HMGCLL1: variants seen among roughly 807,000 people sequenced by gnomAD.
The protein encoded by HMGCLL1 is 3-hydroxymethyl-3-methylglutaryl-CoA lyase, cytoplasmic.
Under a neutral mutation model 39.1 loss-of-function variants are expected in HMGCLL1, and 36 were observed. The observed-to-expected ratio is 0.92, with a 90% CI of 0.71 to 1.22. The LOEUF (loss-of-function observed/expected upper bound fraction) is 1.22. Ranked by LOEUF, HMGCLL1 falls within the 50% of genes most tolerant of loss-of-function variation. The probability of loss-of-function intolerance (pLI) is 0.00; values close to 1 mark genes in which losing one functional copy is unlikely to be tolerated. For missense variants in HMGCLL1, 451 were observed against 416.5 expected (o/e 1.08, Z -0.72); for synonymous variants, 149 against 144.0 (o/e 1.03, Z -0.25).
chr6:55,567,869 C>T (rs191801097), intron 1 of HMGCLL1, among the ~76,000 whole-genome samples: 61 of 152,214 alleles, frequency 4.0e-4, no homozygotes, highest in Middle Eastern at 6.8e-3. Context: ...ACCTCAGTTC[C>T]TTGTATTAAA....
the HMGCLL1 span, among the ~76,000 whole-genome samples, chr6:55,631,615 G>C: frequency 1.3e-5 from 2 of 152,010 alleles, no homozygotes; most frequent in African/African-American, 4.8e-5. Flanking sequence ...ACTAGAACTA[G>C]AGCGCACTGT....
the HMGCLL1 span, among the ~76,000 whole-genome samples, chr6:55,585,780 A>G: frequency 2.0e-5 from 3 of 152,214 alleles, 1 homozygote. Context: ...AGTCCACTAC[A>G]GATACTTTTA....
At chr6:55,640,918 A>G in the HMGCLL1 span, among the ~76,000 whole-genome samples, 1 of 151,970 alleles carries the variant, frequency 6.6e-6, no homozygotes, top group Non-Finnish European at 1.5e-5. Context: ...AAAGATGTCC[A>G]CTATATCCTT....
At chr6:55,492,313 T>A (rs1177229121) in intron 7 of HMGCLL1, among the ~76,000 whole-genome samples, 2 of 152,178 alleles carry the variant, frequency 1.3e-5, no homozygotes, top group Non-Finnish European at 1.5e-5. Context: ...CACTGACAGT[T>A]TTCTTCAATA....
chr6:55,575,233 A>G (rs1212076044), intron 1 of HMGCLL1, among the ~76,000 whole-genome samples: 5 of 152,212 alleles, frequency 3.3e-5, no homozygotes, highest in Non-Finnish European at 5.9e-5. Flanking sequence ...CTCTTGGTCT[A>G]TTAAGGGAAT....
chr6:55,638,581 C>A, the HMGCLL1 span, among the ~76,000 whole-genome samples: 1 of 152,068 alleles, frequency 6.6e-6, no homozygotes, highest in Non-Finnish European at 1.5e-5. Flanking sequence ...TACTTTCAGT[C>A]TGAAATGAGT....
At chr6:55,600,872 T>C in the HMGCLL1 span, among the ~76,000 whole-genome samples, 1 of 152,054 alleles carries the variant, frequency 6.6e-6, no homozygotes, top group Non-Finnish European at 1.5e-5. Flanking sequence ...ACAATGTAAA[T>C]GGAACATAGA....
the HMGCLL1 span, among the ~76,000 whole-genome samples, chr6:55,637,464 T>C: frequency 6.6e-6 from 1 of 152,168 alleles, no homozygotes; most frequent in Non-Finnish European, 1.5e-5. Context: ...TTTATTTGCT[T>C]TCTTAATGTT....
the HMGCLL1 span, among the ~76,000 whole-genome samples, chr6:55,665,410 C>T: frequency 6.6e-6 from 1 of 151,714 alleles, no homozygotes; most frequent in South Asian, 2.1e-4. Context: ...ATCAGGGCAG[C>T]CACAAGGTAA....
chr6:55,555,640 T>A (rs1388549746), intron 1 of HMGCLL1, among the ~76,000 whole-genome samples: 1 of 152,234 alleles, frequency 6.6e-6, no homozygotes, highest in African/African-American at 2.4e-5. Context: ...AGCGATGAAC[T>A]TTTTGTCAGC....
At chr6:55,493,149 A>G (rs554597727) in intron 7 of HMGCLL1, among the ~76,000 whole-genome samples, 16 of 152,056 alleles carry the variant, frequency 1.1e-4, no homozygotes, top group South Asian at 2.1e-4. Flanking sequence ...CTACTAACCC[A>G]TAAGTATTTG....
chr6:55,437,041 A>C (rs1763399084), intron 8 of HMGCLL1, among the ~76,000 whole-genome samples: 1 of 152,030 alleles, frequency 6.6e-6, no homozygotes, highest in South Asian at 2.1e-4. Flanking sequence ...GTTGACAGAA[A>C]GATTTTTGTC....
the HMGCLL1 span, among the ~76,000 whole-genome samples, chr6:55,644,500 A>G: frequency 6.6e-6 from 1 of 152,150 alleles, no homozygotes; most frequent in African/African-American, 2.4e-5. Flanking sequence ...AAATTCCCCA[A>G]TGTTTTCTTG....
chr6:55,536,584 A>G (rs184394861), intron 3 of HMGCLL1, among the ~76,000 whole-genome samples: 4 of 152,280 alleles, frequency 2.6e-5, no homozygotes, highest in African/African-American at 7.2e-5. Context: ...TTCTGCTGCT[A>G]TTGTTCATTC....
intron 7 of HMGCLL1, among the ~76,000 whole-genome samples, chr6:55,458,318 T>A (rs757063524): frequency 5.9e-5 from 9 of 152,140 alleles, no homozygotes; most frequent in Non-Finnish European, 1.3e-4. Context: ...AGGAGCCAGT[T>A]TTTAGTGGGG....
the HMGCLL1 span, among the ~76,000 whole-genome samples, chr6:55,624,802 C>G: frequency 6.6e-6 from 1 of 152,120 alleles, no homozygotes; most frequent in East Asian, 1.9e-4. Flanking sequence ...CATTTGGCCC[C>G]TCCTACAACC....
chr6:55,446,698 T>A (rs1477677065), intron 7 of HMGCLL1, among the ~76,000 whole-genome samples: 1 of 152,004 alleles, frequency 6.6e-6, no homozygotes, highest in Non-Finnish European at 1.5e-5. Context: ...CATCACAACT[T>A]TTTCTTGTTG....
chr6:55,676,771 T>C, the HMGCLL1 span, among the ~76,000 whole-genome samples: 3 of 152,232 alleles, frequency 2.0e-5, no homozygotes, highest in East Asian at 1.9e-4. Context: ...AAAGAACCCA[T>C]GTAATAGCTT....
At chr6:55,607,557 G>A in the HMGCLL1 span, among the ~76,000 whole-genome samples, 11 of 151,990 alleles carry the variant, frequency 7.2e-5, no homozygotes, top group Admixed American at 5.3e-4. Context: ...TCTCACGGCC[G>A]CCCACACAGA....
Sources: gnomAD v4.1 joint callset for allele counts (sites outside exome capture counted in the v4.1 genomes callset) on GRCh38, gnomAD v4.1.1 for gene constraint, MANE v1.5 for transcripts, NCBI Gene and HGNC (gene_info 2026-07-23, HGNC 2026-07-21) for gene names.